LRFN5: variants seen among roughly 807,000 people sequenced by gnomAD.
The protein encoded by LRFN5 is leucine rich repeat and fibronectin type III domain containing 5.
Under a neutral mutation model 45.6 loss-of-function variants are expected in LRFN5, and 24 were observed. The observed-to-expected ratio is 0.53, with a 90% CI of 0.38 to 0.74. LRFN5 has a LOEUF of 0.74. Ranked by LOEUF, LRFN5 falls within the 30% of genes least tolerant of loss-of-function variation. LRFN5 has a pLI of 0.00. For synonymous variants in LRFN5, 340 were observed against 313.8 expected, an observed-to-expected ratio of 1.08 and a Z score of -0.88; for missense variants, 776 against 861.5, an observed-to-expected ratio of 0.90 and a Z score of 1.24.
At chr14:41,716,615 C>G (rs1436066038) in intron 1 of LRFN5, among the ~76,000 whole-genome samples, 1 of 152,174 alleles carries the variant, frequency 6.6e-6, no homozygotes, top group Non-Finnish European at 1.5e-5. Flanking sequence ...ACCACCTCAG[C>G]CTGGACTTTA....
intron 1 of LRFN5, among the ~76,000 whole-genome samples, chr14:41,724,366 A>T (rs17181622): frequency 6.6e-6 from 1 of 152,136 alleles, no homozygotes; most frequent in African/African-American, 2.4e-5. Flanking sequence ...AACCATTTAC[A>T]TTTAGAGCAT....
intron 1 of LRFN5, among the ~76,000 whole-genome samples, chr14:41,612,564 T>C (rs939987988): frequency 3.3e-5 from 5 of 152,166 alleles, no homozygotes; most frequent in African/African-American, 1.2e-4. Flanking sequence ...TTTTGCTAAA[T>C]CATTCCAATG....
Position 41,704,408 on chromosome 14 carries a change from TTCTCTC to T in LRFN5, c.-196-62410_-196-62405del, listed in dbSNP as rs141458106. On this transcript the variant is annotated intron_variant, in intron 1 of 5. Coordinates refer to ENST00000298119, the MANE Select transcript of LRFN5 (RefSeq NM_152447.5). Reference sequence around the variant, plus strand: ...ATTTTCTAGACTTATTGTTATACTTTTCTCTCTCTCTCTCTCTCTCTCTCTCTCTCT... The same window carrying T: ...ATTTTCTAGACTTATTGTTATACTTTTCTCTCTCTCTCTCTCTCTCTCTCT... 4.0e-4 allele frequency among the ~76,000 whole-genome samples: 41 copies of T among 102,334 alleles called. 3 individuals are homozygous for T. Among genetic ancestry groups the T allele is most frequent in the East Asian group, 1.2e-3 (2 of 1,618 alleles). The allele number at this position is 102,334 out of a possible 152,430, so 67.1% of individuals were successfully genotyped here. A position where few individuals can be genotyped will look rare whatever the true frequency, so the allele number is the denominator to read the frequency against.
intron 2 of LRFN5, among the ~76,000 whole-genome samples, chr14:41,797,890 G>A (rs1887187544): frequency 6.6e-6 from 1 of 151,566 alleles, no homozygotes; most frequent in South Asian, 2.1e-4. Context: ...ATTTTTTAAT[G>A]TTTGGATTTC....
At position 41,606,876 on chromosome 14, in the gene LRFN5, G is replaced by GCCA. The variant is rs1887499720; in HGVS notation, c.-1881_-1880insACC. 1.3e-5 allele frequency among the ~76,000 whole-genome samples: 2 copies of GCCA among 151,764 alleles called. No homozygotes were observed. The highest frequency in any genetic ancestry group is 4.1e-4 in the South Asian group (2 of 4,828). On this transcript the variant is annotated 5_prime_UTR_variant, in exon 1 of 6. Coordinates refer to ENST00000298119, the MANE Select transcript of LRFN5 (RefSeq NM_152447.5). ...AGCTCACGGCCGCGCGCCCGCCGCC[G>GCCA]CCGCCGCCGCCGCCTTCATGCTGCA...
chr14:41,850,444 A>G (rs180939988), intron 2 of LRFN5, among the ~76,000 whole-genome samples: 3 of 151,972 alleles, frequency 2.0e-5, no homozygotes, highest in Admixed American at 2.0e-4. Flanking sequence ...AGAAAAAAAA[A>G]TCTATATTTA....
chr14:41,724,518 T>G lies in LRFN5; in HGVS notation c.-196-42336T>G, dbSNP rs534193838. Among the ~76,000 whole-genome samples, 29 of 152,278 alleles carry G rather than the reference T, an allele frequency of 1.9e-4. No homozygotes were observed. In the South Asian group the frequency reaches 5.8e-3, roughly 30 times the overall value. On this transcript the variant is annotated intron_variant, in intron 1 of 5. Transcript: ENST00000298119. ...CACTGAAGACTGAAATAATTTGCAT[T>G]TGAGATCTAAAAACTGTTCATAAGC...
intron 2 of LRFN5, among the ~76,000 whole-genome samples, chr14:41,768,105 A>G (rs1885952526): frequency 6.6e-6 from 1 of 152,182 alleles, no homozygotes; most frequent in Non-Finnish European, 1.5e-5. Flanking sequence ...TGAACAGGTA[A>G]GAGATACTTA....
At chr14:41,700,050 G>A (rs1366724868) in intron 1 of LRFN5, 3 of 152,054 alleles carry the variant, frequency 2.0e-5, no homozygotes, top group East Asian at 3.9e-4. Context: ...TTAAAGCAAC[G>A]TGAAGATCTT....
intron 2 of LRFN5, among the ~76,000 whole-genome samples, chr14:41,866,895 A>G (rs1371085576): frequency 3.9e-5 from 6 of 152,182 alleles, no homozygotes; most frequent in African/African-American, 1.4e-4. Flanking sequence ...TGAATCCAGA[A>G]TATGACCTAG....
In LRFN5 at chr14:41,904,541, A is replaced by G; in HGVS notation, c.*366A>G. On this transcript the variant is annotated 3_prime_UTR_variant, in exon 6 of 6. Coordinates refer to ENST00000298119, the MANE Select transcript of LRFN5 (RefSeq NM_152447.5). ...CACTTTAACAAATAAATGTTTTACT[A>G]TGACAGAATTTGCACATTGCCTGAT... 5.4e-6 allele frequency: 1 copy of G among 184,256 alleles called. No individual in the cohort carries two copies. Among genetic ancestry groups the G allele is most frequent in the Middle Eastern group, 2.3e-3 (1 of 430 alleles). The allele number at this position is 184,256 out of a possible 1,614,324, so 11.4% of individuals were successfully genotyped here.
chr14:41,798,305 G>A (rs1266908313), intron 2 of LRFN5, among the ~76,000 whole-genome samples: 4 of 151,908 alleles, frequency 2.6e-5, no homozygotes, highest in Non-Finnish European at 4.4e-5. Context: ...TGGCCTACAC[G>A]CATTGTTCCA....
In LRFN5 at chr14:41,807,119, A is replaced by G. The variant is rs1169891236; in HGVS notation, c.-21+40090A>G. Among the ~76,000 whole-genome samples the G allele has an allele frequency of 2.6e-5, 4 of 152,182 alleles. No homozygotes were observed. In the East Asian group the frequency reaches 7.7e-4, roughly 29 times the overall value. Reference sequence around the variant, plus strand: ...TATAAGAAGTAAAGAAATAAGATACATTCTGTAAGAAGGATGTGTAATGCA... The same window carrying G: ...TATAAGAAGTAAAGAAATAAGATACGTTCTGTAAGAAGGATGTGTAATGCA... On this transcript the variant is annotated intron_variant, in intron 2 of 5. Transcript: ENST00000298119.
chr14:41,887,289 C>T lies in LRFN5; in HGVS notation c.664C>T (p.Leu222=), dbSNP rs774293800. The change falls in exon 3 of 6, where the codon CTA becomes TTA. Residue 222 remains leucine (L), a synonymous_variant. Coordinates refer to ENST00000298119, the MANE Select transcript of LRFN5 (RefSeq NM_152447.5). The surrounding 1 kb of genome is among the most constrained non-coding windows in gnomAD (Gnocchi z 4.8). The part of the protein sequence containing the change: ...PDPLFQRAQV[L]ATSGIISPST... ...CCCTCTCTTTCAGCGAGCTCAGGTA[C>T]TAGCAACCTCAGGAATCATAAGCCC... 2.5e-5 allele frequency: 41 copies of T among 1,614,200 alleles called. No individual in the cohort carries two copies. The highest frequency in any genetic ancestry group is 3.0e-5 in the Non-Finnish European group (35 of 1,180,042).
Position 41,887,806 on chromosome 14 carries a change from C to T in LRFN5, c.1181C>T (p.Ser394Phe). Reference sequence around the variant, plus strand: ...CATATCCATGAGCCTGATCCTGGTTCTTCAGATATCTCAACTTCTACCAAG... The same window carrying T: ...CATATCCATGAGCCTGATCCTGGTTTTTCAGATATCTCAACTTCTACCAAG... ...TNHIHEPDPG[S>F]SDISTSTKSG... Residue 394 changes from serine (S) to phenylalanine (F), a missense_variant, in exon 3 of 6, where the codon TCT becomes TTT. Coordinates refer to ENST00000298119, the MANE Select transcript of LRFN5 (RefSeq NM_152447.5). The surrounding 1 kb of genome is among the most constrained non-coding windows in gnomAD (Gnocchi z 4.8). 6.2e-7 allele frequency: 1 copy of T among 1,613,920 alleles called. No homozygotes were observed. The highest frequency in any genetic ancestry group is 1.7e-5 in the Admixed American group (1 of 60,006).
intron 3 of LRFN5, among the ~76,000 whole-genome samples, chr14:41,888,717 A>G (rs1182869911): frequency 1.3e-5 from 2 of 152,136 alleles, no homozygotes; most frequent in African/African-American, 4.8e-5. Flanking sequence ...TAATTTGAGC[A>G]GTGAAAGTAT....
chr14:41,674,497 G>A (rs1881480455), intron 1 of LRFN5, among the ~76,000 whole-genome samples: 1 of 144,954 alleles, frequency 6.9e-6, no homozygotes, highest in Non-Finnish European at 1.5e-5. Context: ...GGCTGGCCGG[G>A]CGGGGGGCTG....
chr14:41,842,214 T>C (rs538782540), intron 2 of LRFN5, among the ~76,000 whole-genome samples: 1 of 152,234 alleles, frequency 6.6e-6, no homozygotes, highest in East Asian at 1.9e-4. Context: ...TTTGTAGATA[T>C]TGCATTGAGA....
At chr14:41,674,636 T>C (rs1446235111) in intron 1 of LRFN5, among the ~76,000 whole-genome samples, 12 of 122,650 alleles carry the variant, frequency 9.8e-5, no homozygotes, top group Non-Finnish European at 1.0e-4. Context: ...GACGGGGCGG[T>C]TGGCCAGGTG....
Sources: gnomAD v4.1 joint callset for allele counts (sites outside exome capture counted in the v4.1 genomes callset) on GRCh38, gnomAD v4.1.1 for gene constraint, Gnocchi (gnomAD v3.1) non-coding constraint, MANE v1.5 for transcripts, NCBI Gene and HGNC (gene_info 2026-07-23, HGNC 2026-07-21) for gene names.